ZHX2: variants seen among roughly 807,000 people sequenced by gnomAD.
ZHX2 encodes the protein zinc fingers and homeoboxes 2, also known as zinc fingers and homeoboxes protein 2.
ZHX2 carries 6 observed loss-of-function variants against 21.9 expected under a neutral mutation model. That is an observed-to-expected ratio of 0.27 (90% confidence interval 0.15 to 0.54). The LOEUF (loss-of-function observed/expected upper bound fraction) is 0.54, where lower values mean the gene tolerates loss of function less well. Ranked by LOEUF, ZHX2 falls within the 20% of genes least tolerant of loss-of-function variation. ZHX2 has a pLI of 0.95. For missense variants in ZHX2, 908 were observed against 1,090.7 expected, an observed-to-expected ratio of 0.83 and a Z score of 2.36; for synonymous variants, 434 against 437.1, an observed-to-expected ratio of 0.99 and a Z score of 0.09.
chr8:122,953,395 C>T lies in ZHX2; in HGVS notation c.1885C>T (p.Pro629Ser). Residue 629 changes from proline (P) to serine (S), a missense_variant, in exon 3 of 4, where the codon CCT (proline) becomes TCT (serine). By Grantham distance (74) the Pro-to-Ser change is moderately conservative (BLOSUM62 -1). Around this residue, in one of 4 missense-constraint regions of ZHX2, gnomAD observed 431 missense variants for 428.6 expected, o/e 1.01. Coordinates refer to ENST00000314393, the MANE Select transcript of ZHX2 (RefSeq NM_014943.5). This position sits in a 1 kb window ranked among gnomAD's most constrained non-coding sequence, Gnocchi z 4.6. Reference sequence around the variant, plus strand: ...CCAGTTAACAAGTTCTCTGCCCAGCCCTTCGCCAGCAATTGCAAAAAGTCA... The same window carrying T: ...CCAGTTAACAAGTTCTCTGCCCAGCTCTTCGCCAGCAATTGCAAAAAGTCA... Reference protein sequence around the residue: ...GAQLTSSLPSPSPAIAKSQEQ... With the variant: ...GAQLTSSLPSSSPAIAKSQEQ... The T allele has an allele frequency of 6.2e-7, 1 of 1,614,166 alleles. No homozygotes were observed. Among genetic ancestry groups the T allele is most frequent in the Non-Finnish European group, 8.5e-7 (1 of 1,180,044 alleles).
chr8:122,941,442 C>G lies in ZHX2; in HGVS notation c.-219-9850C>G, dbSNP rs117240258. ...TCTCAACTTTCCCAAATCACCAACT[C>G]TGTTTCTGTGGATCGTGTTTATAAA... On this transcript the variant is annotated intron_variant, in intron 2 of 3. Coordinates refer to ENST00000314393, the MANE Select transcript of ZHX2 (RefSeq NM_014943.5). 1.2e-3 allele frequency among the ~76,000 whole-genome samples: 185 copies of G among 152,324 alleles called. 1 individual carries two copies. Among genetic ancestry groups the G allele is most frequent in the Middle Eastern group, 0.01 (3 of 294 alleles).
chr8:122,865,033 G>A (rs1819254525), intron 2 of ZHX2, among the ~76,000 whole-genome samples: 1 of 152,156 alleles, frequency 6.6e-6, no homozygotes, highest in Non-Finnish European at 1.5e-5. Flanking sequence ...GAGTTTGACA[G>A]TGGTTGTGCA....
At chr8:122,925,406 T>G (rs1820825665) in intron 2 of ZHX2, among the ~76,000 whole-genome samples, 1 of 152,174 alleles carries the variant, frequency 6.6e-6, no homozygotes, top group Non-Finnish European at 1.5e-5. Context: ...AACACAGTGA[T>G]GAACAGCACC....
At chr8:122,814,744 C>T (rs1445174607) in intron 1 of ZHX2, among the ~76,000 whole-genome samples, 1 of 152,160 alleles carries the variant, frequency 6.6e-6, no homozygotes, top group Non-Finnish European at 1.5e-5. Context: ...CTCAATTCTC[C>T]TGACACAGCT....
chr8:122,950,963 T>C (rs1813094614), intron 2 of ZHX2, among the ~76,000 whole-genome samples: 1 of 152,122 alleles, frequency 6.6e-6, no homozygotes, highest in South Asian at 2.1e-4. Context: ...TAAAAGTGGC[T>C]TGCAAGCACA....
chr8:122,832,669 G>T (rs1818403677), intron 1 of ZHX2, among the ~76,000 whole-genome samples: 1 of 152,140 alleles, frequency 6.6e-6, no homozygotes, highest in African/African-American at 2.4e-5. Context: ...AGGGAACCCA[G>T]AGCCTAAAAT....
chr8:122,788,307 C>T (rs1244856130), intron 1 of ZHX2, among the ~76,000 whole-genome samples: 3 of 152,192 alleles, frequency 2.0e-5, no homozygotes, highest in African/African-American at 7.2e-5. Flanking sequence ...CCTGTAATCC[C>T]AGCACTTTGG....
intron 2 of ZHX2, among the ~76,000 whole-genome samples, chr8:122,887,757 G>T (rs1819880217): frequency 6.6e-6 from 1 of 152,110 alleles, no homozygotes; most frequent in Admixed American, 6.5e-5. Context: ...TGGAATTGCA[G>T]TCCTGGGCCT....
chr8:122,953,453 C>G lies in ZHX2; in HGVS notation c.1943C>G (p.Ala648Gly), dbSNP rs766232776. 6.2e-7 allele frequency: 1 copy of G among 1,614,206 alleles called. No homozygotes were observed. Among genetic ancestry groups the G allele is most frequent in the Admixed American group, 1.7e-5 (1 of 60,034 alleles). Reference sequence around the variant, plus strand: ...GTTCATCTCCTGAGGAGCACGTTTGCAAGAACCCAGTGGCCTACTCCCCAG... The same window carrying G: ...GTTCATCTCCTGAGGAGCACGTTTGGAAGAACCCAGTGGCCTACTCCCCAG... ...EQVHLLRSTF[A>G]RTQWPTPQEY... is the part of the protein sequence containing the mutation. Residue 648 changes from alanine to glycine, a missense_variant, in exon 3 of 4, where the codon GCA (alanine) becomes GGA (glycine). By Grantham distance (60) the Ala-to-Gly change is moderately conservative (BLOSUM62 0). Coordinates refer to ENST00000314393, the MANE Select transcript of ZHX2 (RefSeq NM_014943.5). The surrounding 1 kb of genome is among the most constrained non-coding windows in gnomAD (Gnocchi z 4.6).
chr8:122,806,756 G>A (rs1446519379), intron 1 of ZHX2, among the ~76,000 whole-genome samples: 1 of 152,206 alleles, frequency 6.6e-6, no homozygotes, highest in Non-Finnish European at 1.5e-5. Context: ...ATTTTACATG[G>A]CTGACATTTA....
intron 2 of ZHX2, among the ~76,000 whole-genome samples, chr8:122,886,648 C>A (rs776700709): frequency 6.6e-6 from 1 of 151,970 alleles, no homozygotes; most frequent in Admixed American, 6.6e-5. Flanking sequence ...AAAATCAAAG[C>A]GTATTAATTT....
At chr8:122,825,381 C>A (rs1264361683) in intron 1 of ZHX2, among the ~76,000 whole-genome samples, 1 of 152,166 alleles carries the variant, frequency 6.6e-6, no homozygotes, top group Non-Finnish European at 1.5e-5. Context: ...TATACTCAAC[C>A]ACTGGCACAT....
chr8:122,910,030 G>C (rs1586380581), intron 2 of ZHX2, among the ~76,000 whole-genome samples: 1 of 151,798 alleles, frequency 6.6e-6, no homozygotes, highest in African/African-American at 2.4e-5. Context: ...CTGCTGTTCT[G>C]TCTACTCAGA....
At chr8:122,871,269 G>C (rs1010892922) in intron 2 of ZHX2, among the ~76,000 whole-genome samples, 3 of 151,912 alleles carry the variant, frequency 2.0e-5, no homozygotes, top group Admixed American at 2.0e-4. Context: ...CTGGTACTTG[G>C]AACCAACCCA....
At chr8:122,945,264 T>G (rs1812940661) in intron 2 of ZHX2, among the ~76,000 whole-genome samples, 1 of 151,256 alleles carries the variant, frequency 6.6e-6, no homozygotes, top group Non-Finnish European at 1.5e-5. Context: ...CTCATACTCA[T>G]ACTCAGTAAG....
At chr8:122,924,957 G>C (rs754536529) in intron 2 of ZHX2, among the ~76,000 whole-genome samples, 55 of 152,254 alleles carry the variant, frequency 3.6e-4, no homozygotes, top group Non-Finnish European at 2.1e-4. Context: ...CTTTGAAGTT[G>C]AGTCAGTGAC....
intron 1 of ZHX2, among the ~76,000 whole-genome samples, chr8:122,789,158 G>A (rs1817460821): frequency 6.6e-6 from 1 of 152,196 alleles, no homozygotes; most frequent in East Asian, 1.9e-4. Context: ...GCGGAGGGAG[G>A]GTGGAGAATG....
At chr8:122,943,060 G>A (rs986378775) in intron 2 of ZHX2, among the ~76,000 whole-genome samples, 1 of 152,056 alleles carries the variant, frequency 6.6e-6, no homozygotes, top group African/African-American at 2.4e-5. Flanking sequence ...TCAGGAGTTC[G>A]AGACCAGCCT....
intron 2 of ZHX2, among the ~76,000 whole-genome samples, chr8:122,901,854 G>A (rs1820237878): frequency 6.6e-6 from 1 of 151,756 alleles, no homozygotes; most frequent in Admixed American, 6.6e-5. Flanking sequence ...TTGTAAGGGG[G>A]AAAAAAAATC....
Sources: gnomAD v4.1 joint callset for allele counts (sites outside exome capture counted in the v4.1 genomes callset) on GRCh38, gnomAD v4.1.1 for gene constraint, gnomAD v4.1.1 regional missense constraint, Gnocchi (gnomAD v3.1) non-coding constraint, MANE v1.5 for transcripts, NCBI Gene and HGNC (gene_info 2026-07-23, HGNC 2026-07-21) for gene names.